The following GHR variants were observed in gnomAD, a reference collection of about 807,000 sequenced individuals.
GHR encodes the protein GH receptor.
Under a neutral mutation model 67.1 loss-of-function variants are expected in GHR, and 35 were observed. The observed-to-expected ratio is 0.52, with a 90% CI of 0.40 to 0.69. The LOEUF is 0.69. Ranked by LOEUF, GHR falls within the 30% of genes least tolerant of loss-of-function variation. GHR has a pLI of 0.00. For missense variants in GHR, 792 were observed against 764.6 expected (o/e 1.04, Z -0.42); for synonymous variants, 272 against 269.1 (o/e 1.01, Z -0.10).
chr5:42,576,133 T>TA (rs1231107195), intron 2 of GHR, among the ~76,000 whole-genome samples: 20 of 93,188 alleles, frequency 2.1e-4, no homozygotes, highest in African/African-American at 8.8e-4. Flanking sequence ...TAAAATAAAA[T>TA]AAAATAAAAT....
At chr5:42,656,985 G>C (rs564947464) in intron 3 of GHR, among the ~76,000 whole-genome samples, 1 of 152,012 alleles carries the variant, frequency 6.6e-6, no homozygotes, top group South Asian at 2.1e-4. Flanking sequence ...GCCTAGTCAG[G>C]GACCTTTCTT....
At chr5:42,530,542 TAAAATGGTGACTATGTTAG>T (rs1451685358) in intron 1 of GHR, among the ~76,000 whole-genome samples, 3 of 152,220 alleles carry the variant, frequency 2.0e-5, no homozygotes, top group African/African-American at 7.2e-5. Context: ...CTTTTTGCTC[TAAAATGGTGACTATGTTAG>T]AATTCAAAGA....
At chr5:42,548,295 C>A (rs886256569) in intron 1 of GHR, 26 of 985,060 alleles carry the variant, frequency 2.6e-5, no homozygotes, top group Non-Finnish European at 3.0e-5. Context: ...TATATCAAAG[C>A]AGAAAGACCA....
At chr5:42,485,476 A>G (rs1191255669) in intron 1 of GHR, among the ~76,000 whole-genome samples, 2 of 152,168 alleles carry the variant, frequency 1.3e-5, no homozygotes, top group Admixed American at 1.3e-4. Context: ...GATTAAATGC[A>G]TGCCAGATCC....
chr5:42,678,614 G>C (rs146504408), intron 3 of GHR, among the ~76,000 whole-genome samples: 213 of 152,300 alleles, frequency 1.4e-3, no homozygotes, highest in African/African-American at 4.7e-3. Flanking sequence ...CAGTTAGCTA[G>C]ACAATACAGT....
At chr5:42,483,149 G>C in intron 1 of GHR, among the ~76,000 whole-genome samples, 1 of 152,096 alleles carries the variant, frequency 6.6e-6, no homozygotes, top group Non-Finnish European at 1.5e-5. Flanking sequence ...GCTCACTGCA[G>C]CCTCCACCTC....
chr5:42,494,934 T>A (rs1297723680), intron 1 of GHR, among the ~76,000 whole-genome samples: 3 of 152,040 alleles, frequency 2.0e-5, no homozygotes, highest in Non-Finnish European at 4.4e-5. Context: ...CAATTTAGCA[T>A]CCCCCTTAGA....
intron 2 of GHR, among the ~76,000 whole-genome samples, chr5:42,597,691 G>T (rs904453970): frequency 6.6e-6 from 1 of 152,202 alleles, no homozygotes; most frequent in African/African-American, 2.4e-5. Flanking sequence ...GGCTTCATTT[G>T]TAAGTACCAG....
intron 3 of GHR, among the ~76,000 whole-genome samples, chr5:42,632,403 G>A (rs1317762771): frequency 6.6e-6 from 1 of 152,198 alleles, no homozygotes; most frequent in African/African-American, 2.4e-5. Flanking sequence ...GCTCTGGAGA[G>A]ACACATATGG....
chr5:42,697,165 A>T (rs948954276), intron 5 of GHR, among the ~76,000 whole-genome samples: 1 of 152,218 alleles, frequency 6.6e-6, no homozygotes, highest in Non-Finnish European at 1.5e-5. Flanking sequence ...GAAAGTTGTC[A>T]ATCATTATAA....
chr5:42,711,362 A>G lies in GHR; in HGVS notation c.774A>G (p.Thr258=). Residue 258 remains threonine, a synonymous_variant, in exon 7 of 10, where the codon ACA becomes ACG. Transcript: ENST00000230882. The stretch of plus-strand genomic sequence containing the variant: ...CACTTCCTCAGATGAGCCAATTTAC[A>G]TGTGAAGAAGGTAAAAGAAATAAAA... ...YVTLPQMSQF[T]CEEDFYFPWL... 1.2e-6 allele frequency: 2 copies of G among 1,609,956 alleles called. No individual in the cohort carries two copies. The highest frequency in any genetic ancestry group is 1.7e-6 in the Non-Finnish European group (2 of 1,176,170).
intron 6 of GHR, among the ~76,000 whole-genome samples, chr5:42,707,127 CTG>C (rs535927033): frequency 1.3e-5 from 2 of 150,764 alleles, no homozygotes; most frequent in Non-Finnish European, 1.5e-5. Flanking sequence ...TCCTAGGTTT[CTG>C]TGTGTGTGTG....
chr5:42,621,987 T>C (rs1394525195), intron 2 of GHR, among the ~76,000 whole-genome samples: 2 of 152,100 alleles, frequency 1.3e-5, no homozygotes, highest in Non-Finnish European at 2.9e-5. Flanking sequence ...GGAAAAACTA[T>C]GGATAGGAAT....
intron 2 of GHR, among the ~76,000 whole-genome samples, chr5:42,609,577 T>C (rs896342770): frequency 5.3e-5 from 8 of 152,118 alleles, no homozygotes; most frequent in Non-Finnish European, 1.0e-4. Flanking sequence ...AGCCAACCAG[T>C]GGTGTCTTCC....
intron 3 of GHR, chr5:42,646,266 T>C: frequency 2.3e-6 from 1 of 436,658 alleles, no homozygotes; most frequent in Non-Finnish European, 4.6e-6. Context: ...TCATAGCTGA[T>C]TACAAATGAA....
Position 42,565,889 on chromosome 5 carries a change from G to C in GHR, c.15G>C (p.Gln5His). 1 of 1,614,010 alleles carries C rather than the reference G, an allele frequency of 6.2e-7. No homozygotes were observed. Among genetic ancestry groups the C allele is most frequent in the Non-Finnish European group, 8.5e-7 (1 of 1,179,888 alleles). Residue 5 changes from glutamine to histidine, a missense_variant, in exon 2 of 10, where the codon CAG (glutamine) becomes CAC (histidine). Coordinates refer to ENST00000230882, the MANE Select transcript of GHR (RefSeq NM_000163.5). Reference protein sequence around the residue: MDLWQLLLTLALAGS... With the variant: MDLWHLLLTLALAGS... ...GTCCTACAGGTATGGATCTCTGGCA[G>C]CTGCTGTTGACCTTGGCACTGGCAG...
At chr5:42,717,316 A>C (rs952409568) in intron 8 of GHR, among the ~76,000 whole-genome samples, 1 of 152,218 alleles carries the variant, frequency 6.6e-6, no homozygotes, top group Non-Finnish European at 1.5e-5. Flanking sequence ...TTTAAAAAAA[A>C]TTAAAAACAC....
At chr5:42,614,287 T>A (rs1227942250) in intron 2 of GHR, among the ~76,000 whole-genome samples, 2 of 152,092 alleles carry the variant, frequency 1.3e-5, no homozygotes, top group Non-Finnish European at 2.9e-5. Context: ...TCATTATTCA[T>A]CTAGGTTTTT....
At chr5:42,474,835 T>G (rs897669674) in intron 1 of GHR, among the ~76,000 whole-genome samples, 3 of 151,888 alleles carry the variant, frequency 2.0e-5, no homozygotes, top group African/African-American at 7.2e-5. Context: ...CCCTTGATTT[T>G]TAACTATTTA....
Sources: gnomAD v4.1 joint callset for allele counts (sites outside exome capture counted in the v4.1 genomes callset) on GRCh38, gnomAD v4.1.1 for gene constraint, MANE v1.5 for transcripts, NCBI Gene and HGNC (gene_info 2026-07-23, HGNC 2026-07-21) for gene names.